The following PLXNA4 variants were observed in gnomAD, a reference collection of about 807,000 sequenced individuals.
PLXNA4 encodes the protein plexin A4.
In PLXNA4, 44 loss-of-function variants were observed where a neutral mutation model predicts 191.8. The ratio of observed to expected loss-of-function variants is 0.23; its 90% CI spans 0.18 to 0.29. The LOEUF (loss-of-function observed/expected upper bound fraction) is 0.29. Among genes scored for constraint, PLXNA4 ranks in the 10% least tolerant of loss-of-function variants. The pLI is 1.00. For missense variants in PLXNA4, 1,800 were observed against 2,488.8 expected, an observed-to-expected ratio of 0.72 and a Z score of 5.89; for synonymous variants, 1,082 against 1,009.5, an observed-to-expected ratio of 1.07 and a Z score of -1.36.
chr7:132,204,365 C>G (rs931659472), intron 10 of PLXNA4, among the ~76,000 whole-genome samples: 1 of 152,182 alleles, frequency 6.6e-6, no homozygotes, highest in Non-Finnish European at 1.5e-5. Flanking sequence ...CCCTGGGCAG[C>G]AATTTCCAAC....
At chr7:132,386,191 T>G (rs749532096) in intron 3 of PLXNA4, among the ~76,000 whole-genome samples, 11 of 152,054 alleles carry the variant, frequency 7.2e-5, no homozygotes, top group Non-Finnish European at 1.5e-4. Context: ...AGAAAAAGAA[T>G]GAGTTTGAAA....
intron 4 of PLXNA4, among the ~76,000 whole-genome samples, chr7:132,272,224 C>G (rs947943456): frequency 1.3e-5 from 2 of 152,182 alleles, no homozygotes; most frequent in East Asian, 1.9e-4. Flanking sequence ...GCTATTTAAC[C>G]TCCTCAATAT....
rs993506985 is a variant in PLXNA4 at position 132,133,102 on chromosome 7, T to C, written c.5536A>G (p.Thr1846Ala). The C allele has an allele frequency of 8.1e-6, 13 of 1,614,076 alleles. No individual in the cohort carries two copies. The East Asian group carries it at 2.7e-4, about 33-fold the overall frequency. ...QSRMHMNEFN[T>A]MSALSEIFSY... is the part of the protein sequence containing the mutation. ...AAGATCTCTGAGAGTGCACTCATGG[T>C]GTTGAACTCATTCATGTGCATCCGG... Residue 1846 changes from threonine to alanine, a missense_variant, in exon 31 of 32, where the codon ACC becomes GCC. Thr to Ala is a moderately conservative substitution (Grantham distance 58, BLOSUM62 0). Coordinates refer to ENST00000321063, the MANE Select transcript of PLXNA4 (RefSeq NM_020911.2).
chr7:132,484,367 G>T lies in PLXNA4; in HGVS notation c.1371+4925C>A, dbSNP rs546808696. 4.6e-5 allele frequency among the ~76,000 whole-genome samples: 7 copies of T among 152,322 alleles called. No individual in the cohort carries two copies. In the East Asian group the frequency reaches 1.4e-3, roughly 29 times the overall value. On this transcript the variant is annotated intron_variant, in intron 3 of 31. Transcript: ENST00000321063. Reference sequence around the variant, plus strand: ...GAAATCAGAGGAGGGAGGGTGGCACGCTGGCACACCTGTGGGATCTTCTGC... The same window carrying T: ...GAAATCAGAGGAGGGAGGGTGGCACTCTGGCACACCTGTGGGATCTTCTGC...
At chr7:132,168,261 G>A (rs764893431) in intron 22 of PLXNA4, 43 bp downstream of exon 22, 5 of 1,482,570 alleles carry the variant, frequency 3.4e-6, no homozygotes, top group South Asian at 1.4e-5. Flanking sequence ...TGAGCCAGGT[G>A]CATGGCTAGG....
chr7:132,637,593 T>C (rs535410677), intron 2 of PLXNA4, among the ~76,000 whole-genome samples: 1 of 152,212 alleles, frequency 6.6e-6, no homozygotes, highest in Non-Finnish European at 1.5e-5. Context: ...TCTGGAAGAC[T>C]GAAAGAAGCC....
chr7:132,551,987 G>C (rs970187173), intron 1 of PLXNA4, among the ~76,000 whole-genome samples: 5 of 152,158 alleles, frequency 3.3e-5, no homozygotes, highest in Admixed American at 6.5e-5. Flanking sequence ...CAGGTTGAAG[G>C]GGGTGGGGGG....
intron 9 of PLXNA4, among the ~76,000 whole-genome samples, chr7:132,216,486 T>C (rs1797966168): frequency 6.6e-6 from 1 of 152,206 alleles, no homozygotes; most frequent in African/African-American, 2.4e-5. Flanking sequence ...ATTTTAATAA[T>C]TGGTACGTTG....
At chr7:132,507,159 A>G (rs1798498604) in intron 2 of PLXNA4, among the ~76,000 whole-genome samples, 1 of 152,128 alleles carries the variant, frequency 6.6e-6, no homozygotes, top group South Asian at 2.1e-4. Flanking sequence ...ACTACAGCAC[A>G]CTGTGATCTA....
At chr7:132,156,131 G>GAGATAC (rs1554374038) in intron 25 of PLXNA4, among the ~76,000 whole-genome samples, 3 of 74,546 alleles carry the variant, frequency 4.0e-5, no homozygotes, top group African/African-American at 2.2e-4. Flanking sequence ...TCTGTTTCTG[G>GAGATAC]ACATACACAC....
At chr7:132,133,346 T>A in intron 30 of PLXNA4, 147 bp from the exon 31 acceptor site, 1 of 1,366,198 alleles carries the variant, frequency 7.3e-7, no homozygotes, top group South Asian at 1.4e-5. Flanking sequence ...TGGGGACCAC[T>A]GTGGTCTCTC....
At chr7:132,314,946 G>A (rs1397737502) in intron 3 of PLXNA4, among the ~76,000 whole-genome samples, 2 of 152,164 alleles carry the variant, frequency 1.3e-5, no homozygotes, top group African/African-American at 4.8e-5. Flanking sequence ...CTCCTCCAAT[G>A]GACTGCAAGC....
chr7:132,202,972 C>G (rs1797490761), intron 11 of PLXNA4, 136 bp from the exon 12 acceptor site: 1 of 934,324 alleles, frequency 1.1e-6, no homozygotes, highest in Non-Finnish European at 1.5e-6. Flanking sequence ...CTTAGCCATT[C>G]TGATGCAAAA....
chr7:132,166,804 C>T (rs1264487818), intron 22 of PLXNA4, among the ~76,000 whole-genome samples: 1 of 151,970 alleles, frequency 6.6e-6, no homozygotes, highest in Non-Finnish European at 1.5e-5. Context: ...AGAATTATGC[C>T]AGTGGGTGGC....
intron 3 of PLXNA4, among the ~76,000 whole-genome samples, chr7:132,408,899 C>A (rs778092197): frequency 7.8e-6 from 1 of 128,816 alleles, no homozygotes; most frequent in Non-Finnish European, 1.6e-5. Context: ...AAGAGGAATG[C>A]GTTGGATCAC....
intron 1 of PLXNA4, among the ~76,000 whole-genome samples, chr7:132,515,092 G>A (rs1055495741): frequency 2.0e-5 from 3 of 150,044 alleles, no homozygotes; most frequent in Non-Finnish European, 4.5e-5. Flanking sequence ...TCAGGTCTCC[G>A]ACAAGCAACA....
intron 4 of PLXNA4, among the ~76,000 whole-genome samples, chr7:132,250,649 C>A (rs1368167388): frequency 1.3e-5 from 2 of 152,174 alleles, no homozygotes; most frequent in East Asian, 3.8e-4. Context: ...ATGCATTTGA[C>A]AGAGGAGACT....
At chr7:132,592,002 T>G (rs1280744814) in intron 2 of PLXNA4, among the ~76,000 whole-genome samples, 3 of 152,082 alleles carry the variant, frequency 2.0e-5, no homozygotes, top group Non-Finnish European at 4.4e-5. Flanking sequence ...TGGTGGGAAC[T>G]TCTGTGAAGG....
At chr7:132,232,703 G>A (rs1798563328) in intron 5 of PLXNA4, among the ~76,000 whole-genome samples, 1 of 152,174 alleles carries the variant, frequency 6.6e-6, no homozygotes, top group Non-Finnish European at 1.5e-5. Flanking sequence ...TTTCACTGCT[G>A]GAGAATTCCC....
Sources: allele counts gnomAD v4.1 joint callset (sites outside exome capture counted in the v4.1 genomes callset), GRCh38; gene constraint gnomAD v4.1.1; transcripts MANE v1.5; gene names NCBI Gene and HGNC (gene_info 2026-07-23, HGNC 2026-07-21).